Variants in DLGAP2 observed in about 807,000 individuals in gnomAD.
The protein encoded by DLGAP2 is DLG associated protein 2.
In DLGAP2, 26 loss-of-function variants were observed where a neutral mutation model predicts 100.3. That is an observed-to-expected ratio of 0.26 (90% CI 0.19 to 0.36). The LOEUF is 0.36. Among genes scored for constraint, DLGAP2 ranks in the 10% least tolerant of loss-of-function variants. The pLI is 1.00. For missense variants in DLGAP2, 1,858 were observed against 1,453.2 expected, an observed-to-expected ratio of 1.28 and a Z score of -4.53; for synonymous variants, 886 against 630.1, an observed-to-expected ratio of 1.41 and a Z score of -6.08.
chr8:1,198,009 G>A (rs1797790942), intron 2 of DLGAP2, among the ~76,000 whole-genome samples: 1 of 152,296 alleles, frequency 6.6e-6, no homozygotes. Flanking sequence ...AGTAGCCTGG[G>A]TCATTCAGGG....
intron 3 of DLGAP2, among the ~76,000 whole-genome samples, chr8:1,487,822 C>T (rs764423989): frequency 6.6e-6 from 1 of 152,166 alleles, no homozygotes. Context: ...TGAAGCTTCA[C>T]GTCCTCACTA....
chr8:1,453,156 G>T (rs181772088), intron 3 of DLGAP2, among the ~76,000 whole-genome samples: 1 of 152,092 alleles, frequency 6.6e-6, no homozygotes, highest in African/African-American at 2.4e-5. Context: ...GTATTGGAGC[G>T]CGCTGGGCAG....
At chr8:1,307,410 C>T (rs1232011022) in intron 3 of DLGAP2, among the ~76,000 whole-genome samples, 6 of 152,186 alleles carry the variant, frequency 3.9e-5, no homozygotes, top group Non-Finnish European at 7.3e-5. Context: ...AAACCTTGTG[C>T]ATTTTTGGTG....
chr8:1,333,126 C>T (rs778078771), intron 3 of DLGAP2, among the ~76,000 whole-genome samples: 1 of 152,140 alleles, frequency 6.6e-6, no homozygotes, highest in African/African-American at 2.4e-5. Flanking sequence ...GCAGATGGAC[C>T]TCCGGCTGCA....
At chr8:1,036,789 A>G (rs927048128) in intron 2 of DLGAP2, among the ~76,000 whole-genome samples, 1 of 152,184 alleles carries the variant, frequency 6.6e-6, no homozygotes, top group African/African-American at 2.4e-5. Flanking sequence ...GCCGTCACTA[A>G]GAAAAGTGTC....
intron 3 of DLGAP2, among the ~76,000 whole-genome samples, chr8:1,331,150 C>T (rs1454990025): frequency 3.3e-5 from 5 of 152,148 alleles, no homozygotes; most frequent in South Asian, 2.1e-4. Flanking sequence ...ATCAAATGGC[C>T]GTCACAGTGC....
intron 3 of DLGAP2, among the ~76,000 whole-genome samples, chr8:1,427,130 T>C (rs1797258702): frequency 6.6e-6 from 1 of 151,934 alleles, no homozygotes; most frequent in South Asian, 2.1e-4. Flanking sequence ...ATCCAATTAA[T>C]CAGGAGCATA....
chr8:1,114,017 T>A (rs1367892530), intron 2 of DLGAP2, among the ~76,000 whole-genome samples: 14 of 152,250 alleles, frequency 9.2e-5, no homozygotes, highest in Admixed American at 9.2e-4. Flanking sequence ...TTGTGTATGT[T>A]GAACCAACCT....
intron 3 of DLGAP2, among the ~76,000 whole-genome samples, chr8:1,432,889 C>T (rs575795302): frequency 6.6e-6 from 1 of 152,292 alleles, no homozygotes; most frequent in East Asian, 1.9e-4. Flanking sequence ...CTGGGGGCGT[C>T]CCCAGAGACC....
At chr8:1,690,958 C>T (rs919603829) in intron 12 of DLGAP2, among the ~76,000 whole-genome samples, 1 of 152,114 alleles carries the variant, frequency 6.6e-6, no homozygotes. Flanking sequence ...CTACGTGCTA[C>T]GACCTTCCTG....
chr8:1,498,984 C>A (rs575294926), intron 3 of DLGAP2, among the ~76,000 whole-genome samples: 5 of 152,200 alleles, frequency 3.3e-5, no homozygotes, highest in Non-Finnish European at 7.3e-5. Context: ...AACGGTGTCA[C>A]CTGAGCCACA....
At chr8:1,037,741 C>A (rs376377327) in intron 2 of DLGAP2, among the ~76,000 whole-genome samples, 1 of 152,204 alleles carries the variant, frequency 6.6e-6, no homozygotes, top group East Asian at 1.9e-4. Context: ...CTTTTAGCCG[C>A]TTTGGGCCGT....
chr8:1,323,072 C>T (rs180687836), intron 3 of DLGAP2, among the ~76,000 whole-genome samples: 1 of 151,644 alleles, frequency 6.6e-6, no homozygotes, highest in Non-Finnish European at 1.5e-5. Flanking sequence ...GCTCTGTTAC[C>T]CAGACTGGAG....
chr8:1,328,748 G>A (rs1049602449), intron 3 of DLGAP2, among the ~76,000 whole-genome samples: 1 of 152,200 alleles, frequency 6.6e-6, no homozygotes, highest in African/African-American at 2.4e-5. Flanking sequence ...AATGAACTAA[G>A]CTTCCCATAA....
At chr8:1,626,503 G>A (rs113308648) in intron 6 of DLGAP2, among the ~76,000 whole-genome samples, 397 of 144,992 alleles carry the variant, frequency 2.7e-3, no homozygotes, top group African/African-American at 9.9e-3. Flanking sequence ...TGGGTTGGAC[G>A]GTCGTTCCCA....
chr8:788,375 T>C (rs1324212027), intron 1 of DLGAP2, among the ~76,000 whole-genome samples: 1 of 152,200 alleles, frequency 6.6e-6, no homozygotes, highest in African/African-American at 2.4e-5. Flanking sequence ...TGTGTCCACA[T>C]GCTCTGGTTG....
intron 3 of DLGAP2, among the ~76,000 whole-genome samples, chr8:1,460,678 G>T (rs1798448448): frequency 6.6e-6 from 1 of 152,176 alleles, no homozygotes; most frequent in South Asian, 2.1e-4. Flanking sequence ...TTAGATGGGG[G>T]TAACATTTTC....
At chr8:1,676,419 CATTAATTAAACAAATGCGTA>C (rs1798812288) in intron 10 of DLGAP2, 94 bp from the exon 11 acceptor site, 2 of 1,101,704 alleles carry the variant, frequency 1.8e-6, no homozygotes, top group Non-Finnish European at 2.7e-6. Flanking sequence ...TGCACCGCTG[CATTAATTAAACAAATGCGTA>C]ATTAATTACA....
At chr8:1,470,125 G>A (rs1319384764) in intron 3 of DLGAP2, among the ~76,000 whole-genome samples, 4 of 152,114 alleles carry the variant, frequency 2.6e-5, no homozygotes, top group Non-Finnish European at 4.4e-5. Context: ...TCATGCCACC[G>A]CACTGCAGCC....
Sources: gnomAD v4.1 joint callset for allele counts (sites outside exome capture counted in the v4.1 genomes callset) on GRCh38, gnomAD v4.1.1 for gene constraint, MANE v1.5 for transcripts, NCBI Gene and HGNC (gene_info 2026-07-23, HGNC 2026-07-21) for gene names.